Variants in RAPGEF4 observed in about 807,000 individuals in gnomAD.
The protein encoded by RAPGEF4 is Rap guanine nucleotide exchange factor 4, also known as RAP guanine-nucleotide-exchange factor (GEF) 4.
Under a neutral mutation model 147.9 loss-of-function variants are expected in RAPGEF4, and 66 were observed. The ratio of observed to expected loss-of-function variants is 0.45; its 90% CI spans 0.37 to 0.55. RAPGEF4 has a LOEUF of 0.55. RAPGEF4 is among the 20% of genes least tolerant of loss of function. The pLI is 0.00. For synonymous variants in RAPGEF4, 419 were observed against 442.7 expected (o/e 0.95, Z 0.67); for missense variants, 1,071 against 1,257.3 (o/e 0.85, Z 2.24).
intron 4 of RAPGEF4, among the ~76,000 whole-genome samples, chr2:172,833,851 A>G (rs1690638696): frequency 2.0e-5 from 3 of 152,206 alleles, no homozygotes; most frequent in Admixed American, 2.0e-4. Context: ...CCCCAGTTAC[A>G]CATCCCTAAG....
At chr2:172,879,828 G>A (rs1360055110) in intron 4 of RAPGEF4, among the ~76,000 whole-genome samples, 1 of 152,138 alleles carries the variant, frequency 6.6e-6, no homozygotes, top group Non-Finnish European at 1.5e-5. Context: ...TGTATAATTT[G>A]TTAAGCGTAT....
chr2:172,799,795 T>C (rs1423551567), intron 3 of RAPGEF4, among the ~76,000 whole-genome samples: 3 of 151,790 alleles, frequency 2.0e-5, no homozygotes, highest in Admixed American at 2.0e-4. Context: ...AGAAGGAGAA[T>C]CAGAAAAGGA....
At chr2:172,918,433 GAT>G (rs947998760) in intron 5 of RAPGEF4, among the ~76,000 whole-genome samples, 2 of 148,960 alleles carry the variant, frequency 1.3e-5, no homozygotes, top group Non-Finnish European at 3.0e-5. Context: ...GAAGGTGACA[GAT>G]AGGTTAATTT....
At position 172,841,811 on chromosome 2, in the gene RAPGEF4, CACACACT is replaced by C. The variant is rs1319376709; in HGVS notation, c.444+27393_444+27399del. The stretch of plus-strand genomic sequence containing the variant: ...TGAATAACACACACACACACACACA[CACACACT>C]ACACACACACTACACACACACTACA... On this transcript the variant is annotated intron_variant, in intron 4 of 30. Transcript: ENST00000397081. Among the ~76,000 whole-genome samples, 31 of 129,222 alleles carry C rather than the reference CACACACT, an allele frequency of 2.4e-4. No individual in the cohort carries two copies. In the South Asian group the frequency reaches 5.9e-3, roughly 25 times the overall value. 84.8% of individuals were successfully genotyped at this position (129,222 alleles called of 152,430 possible).
chr2:172,979,230 C>T (rs1691416765), intron 10 of RAPGEF4, among the ~76,000 whole-genome samples: 1 of 152,134 alleles, frequency 6.6e-6, no homozygotes, highest in Non-Finnish European at 1.5e-5. Context: ...CCTTGCTTAA[C>T]CTCAGTGGGA....
chr2:172,846,063 C>A (rs1692151322), intron 4 of RAPGEF4, among the ~76,000 whole-genome samples: 1 of 152,206 alleles, frequency 6.6e-6, no homozygotes, highest in Non-Finnish European at 1.5e-5. Flanking sequence ...TTATGACTCC[C>A]TTTGCAAATC....
chr2:172,879,195 A>T (rs888896759), intron 4 of RAPGEF4, among the ~76,000 whole-genome samples: 20 of 152,292 alleles, frequency 1.3e-4, no homozygotes, highest in African/African-American at 4.8e-4. Flanking sequence ...GTAAATCATA[A>T]TTCATGCTTA....
chr2:172,958,804 T>C (rs943395806), intron 6 of RAPGEF4, among the ~76,000 whole-genome samples: 10 of 152,246 alleles, frequency 6.6e-5, no homozygotes, highest in African/African-American at 2.2e-4. Flanking sequence ...TCTAAATACA[T>C]CTGTATCTTA....
intron 6 of RAPGEF4, among the ~76,000 whole-genome samples, chr2:172,953,175 A>AAT (rs1039131505): frequency 6.6e-6 from 1 of 150,566 alleles, no homozygotes; most frequent in Non-Finnish European, 1.5e-5. Flanking sequence ...CCACTTAAAA[A>AAT]ATATATATAT....
At chr2:173,028,712 GC>G (rs1696896247) in intron 25 of RAPGEF4, among the ~76,000 whole-genome samples, 1 of 152,096 alleles carries the variant, frequency 6.6e-6, no homozygotes, top group African/African-American at 2.4e-5. Flanking sequence ...TATTTACACA[GC>G]CCAGCTGAAG....
chr2:172,791,838 G>T (rs746439462), intron 1 of RAPGEF4, among the ~76,000 whole-genome samples: 1 of 152,132 alleles, frequency 6.6e-6, no homozygotes. Context: ...CTGTTTTCTC[G>T]TGAGTGTCAG....
At chr2:172,892,374 G>A (rs1229013677) in intron 4 of RAPGEF4, among the ~76,000 whole-genome samples, 1 of 152,144 alleles carries the variant, frequency 6.6e-6, no homozygotes, top group African/African-American at 2.4e-5. Context: ...AGTTGAATAT[G>A]TGCCCTGGCC....
intron 22 of RAPGEF4, 37 bp from the exon 23 acceptor site, chr2:173,020,581 T>C (rs1261066331): frequency 6.6e-7 from 1 of 1,521,908 alleles, no homozygotes; most frequent in African/African-American, 1.4e-5. Context: ...ATCTCAGATG[T>C]ATTTAATAGG....
intron 6 of RAPGEF4, among the ~76,000 whole-genome samples, chr2:172,926,010 G>A (rs2150069556): frequency 1.0e-5 from 1 of 97,416 alleles, no homozygotes; most frequent in Admixed American, 1.1e-4. Flanking sequence ...GGGAAAGAAA[G>A]GACGGAGGGA....
intron 10 of RAPGEF4, among the ~76,000 whole-genome samples, chr2:172,974,819 A>T (rs1475904247): frequency 6.6e-6 from 1 of 152,200 alleles, no homozygotes; most frequent in Non-Finnish European, 1.5e-5. Context: ...GCTAATCCAT[A>T]ATGGGTTAAA....
chr2:172,784,785 G>C (rs1455349185), intron 1 of RAPGEF4, among the ~76,000 whole-genome samples: 1 of 151,650 alleles, frequency 6.6e-6, no homozygotes, highest in Non-Finnish European at 1.5e-5. Context: ...CATACTAATA[G>C]TCACCTAACT....
chr2:172,997,084 G>A (rs999261572), intron 16 of RAPGEF4, among the ~76,000 whole-genome samples: 5 of 152,168 alleles, frequency 3.3e-5, no homozygotes, highest in African/African-American at 1.2e-4. Context: ...CAGTTCTAGA[G>A]GCTAGAAATC....
intron 29 of RAPGEF4, among the ~76,000 whole-genome samples, chr2:173,043,716 C>T (rs185299400): frequency 9.9e-5 from 15 of 152,210 alleles, no homozygotes; most frequent in African/African-American, 2.2e-4. Flanking sequence ...AGAAGGGTGA[C>T]GCCTGCCAAG....
chr2:172,922,203 T>C, intron 5 of RAPGEF4, 78 bp from the exon 6 acceptor site: 1 of 1,414,448 alleles, frequency 7.1e-7, no homozygotes, highest in Admixed American at 1.7e-5. Context: ...CTTGGTTTGG[T>C]TCAGCAAAAT....
Sources: allele counts gnomAD v4.1 joint callset (sites outside exome capture counted in the v4.1 genomes callset), GRCh38; gene constraint gnomAD v4.1.1; transcripts MANE v1.5; gene names NCBI Gene and HGNC (gene_info 2026-07-23, HGNC 2026-07-21).